MYRIP: variants seen among roughly 807,000 people sequenced by gnomAD.
MYRIP encodes myosin VIIA and Rab interacting protein.
In MYRIP, 49 loss-of-function variants were observed where a neutral mutation model predicts 98.0. The observed-to-expected ratio is 0.50, with a 90% CI of 0.40 to 0.63. The LOEUF (loss-of-function observed/expected upper bound fraction) is 0.63. MYRIP is among the 30% of genes least tolerant of loss of function. The pLI is 0.00. For missense variants in MYRIP, 1,004 were observed against 1,058.2 expected, an observed-to-expected ratio of 0.95 and a Z score of 0.71; for synonymous variants, 404 against 409.5, an observed-to-expected ratio of 0.99 and a Z score of 0.16.
At chr3:40,234,892 G>T (rs1952783997) in intron 12 of MYRIP, among the ~76,000 whole-genome samples, 2 of 151,708 alleles carry the variant, frequency 1.3e-5, no homozygotes, top group African/African-American at 4.8e-5. Context: ...TACTTGGGAG[G>T]CTGACCCAGG....
At position 40,121,841 on chromosome 3, in the gene MYRIP, T is replaced by C. The variant is rs947804416; in HGVS notation, c.333-29207T>C. On this transcript the variant is annotated intron_variant, in intron 3 of 16. Coordinates refer to ENST00000302541, the MANE Select transcript of MYRIP (RefSeq NM_015460.4). ...AACTTTCAAGTAAAAAAGGGGTTTCTGATAATGCCATGCTGAGCCATATTA... is the reference window on the plus strand; with the variant it reads ...AACTTTCAAGTAAAAAAGGGGTTTCCGATAATGCCATGCTGAGCCATATTA... 3.9e-5 allele frequency among the ~76,000 whole-genome samples: 6 copies of C among 152,240 alleles called. No homozygotes were observed. The East Asian group carries it at 7.7e-4, about 19-fold the overall frequency.
chr3:39,940,526 C>G (rs1030164145), intron 2 of MYRIP, among the ~76,000 whole-genome samples: 1 of 152,018 alleles, frequency 6.6e-6, no homozygotes, highest in Non-Finnish European at 1.5e-5. Context: ...GTTCTTAGCT[C>G]TGTTCTCTTT....
At chr3:39,944,869 T>C (rs9865420) in intron 2 of MYRIP, among the ~76,000 whole-genome samples, 28,933 of 152,054 alleles carry the variant, frequency 0.19, 4,010 homozygotes, top group African/African-American at 0.39. Context: ...GAAATATTCA[T>C]TTTTACATTT....
chr3:40,009,177 A>T (rs1284760532), intron 2 of MYRIP, among the ~76,000 whole-genome samples: 1 of 151,776 alleles, frequency 6.6e-6, no homozygotes, highest in Non-Finnish European at 1.5e-5. Flanking sequence ...AGACCCTGCC[A>T]TTGCTGGCGC....
At chr3:39,889,296 T>C (rs1943412381) in intron 1 of MYRIP, among the ~76,000 whole-genome samples, 1 of 152,136 alleles carries the variant, frequency 6.6e-6, no homozygotes, top group Non-Finnish European at 1.5e-5. Flanking sequence ...CCAACAACGA[T>C]AGACTGGATT....
chr3:40,020,463 C>T (rs1019324196), intron 2 of MYRIP, among the ~76,000 whole-genome samples: 1 of 152,124 alleles, frequency 6.6e-6, no homozygotes, highest in Non-Finnish European at 1.5e-5. Flanking sequence ...GGCTGTTTGA[C>T]AAATCTTACC....
chr3:40,226,403 A>G (rs1575656625), intron 11 of MYRIP, among the ~76,000 whole-genome samples: 2 of 152,008 alleles, frequency 1.3e-5, no homozygotes, highest in East Asian at 3.9e-4. Context: ...AGAATATTGC[A>G]CCTTATATGC....
At chr3:40,206,417 C>T (rs1312585036) in intron 10 of MYRIP, among the ~76,000 whole-genome samples, 1 of 152,098 alleles carries the variant, frequency 6.6e-6, no homozygotes, top group Non-Finnish European at 1.5e-5. Flanking sequence ...TGTGTGCATA[C>T]GATTTGTCTT....
chr3:40,176,725 T>C (rs1435129305), intron 8 of MYRIP, among the ~76,000 whole-genome samples: 1 of 151,858 alleles, frequency 6.6e-6, no homozygotes, highest in Non-Finnish European at 1.5e-5. Flanking sequence ...CTGACCAACA[T>C]AGTGAAACCC....
intron 2 of MYRIP, among the ~76,000 whole-genome samples, chr3:39,964,719 C>T (rs934366292): frequency 6.6e-6 from 1 of 152,048 alleles, no homozygotes; most frequent in Non-Finnish European, 1.5e-5. Flanking sequence ...TTGTCATGAA[C>T]CTTTGAAGAA....
intron 3 of MYRIP, among the ~76,000 whole-genome samples, chr3:40,118,698 A>G (rs2125908796): frequency 6.6e-6 from 1 of 151,736 alleles, no homozygotes; most frequent in Admixed American, 6.6e-5. Context: ...GGTGTGCTGC[A>G]CCCATTAACT....
At chr3:39,863,003 C>T (rs1559500344) in intron 1 of MYRIP, among the ~76,000 whole-genome samples, 1 of 152,094 alleles carries the variant, frequency 6.6e-6, no homozygotes, top group South Asian at 2.1e-4. Context: ...TTGCTCAAAA[C>T]CATGCTAACT....
chr3:39,895,195 T>C (rs1238440967), intron 1 of MYRIP, among the ~76,000 whole-genome samples: 1 of 148,282 alleles, frequency 6.7e-6, no homozygotes, highest in Non-Finnish European at 1.5e-5. Context: ...TTTTTTTTTC[T>C]TTTTTTTTTG....
At chr3:40,190,578 T>A (rs181635256) in intron 10 of MYRIP, 115 bp downstream of exon 10, 56 of 1,453,824 alleles carry the variant, frequency 3.9e-5, no homozygotes, top group Non-Finnish European at 4.9e-5. Flanking sequence ...CAGATTCTCA[T>A]CTTGGTTTTG....
chr3:40,258,580 G>T lies in MYRIP; in HGVS notation c.*414G>T, dbSNP rs1030792867. On this transcript the variant is annotated 3_prime_UTR_variant, in exon 17 of 17. Coordinates refer to ENST00000302541, the MANE Select transcript of MYRIP (RefSeq NM_015460.4). ...GCTGGAGGGAGGTGGAGGGAGGAAG[G>T]TGGGAATTATTATTTAATACATCAT... 6.2e-5 allele frequency: 12 copies of T among 193,534 alleles called. No individual in the cohort carries two copies. Among genetic ancestry groups the T allele is most frequent in the Admixed American group, 4.2e-4 (8 of 19,112 alleles). 12.0% of individuals were successfully genotyped at this position (193,534 alleles called of 1,614,324 possible). A position where few individuals can be genotyped will look rare whatever the true frequency, so the allele number is the denominator to read the frequency against.
chr3:39,994,820 G>T (rs1011174479), intron 2 of MYRIP, among the ~76,000 whole-genome samples: 7 of 152,108 alleles, frequency 4.6e-5, no homozygotes, highest in African/African-American at 1.7e-4. Context: ...CACACGACTG[G>T]GTACTCCTCT....
At chr3:40,203,543 G>A (rs890920738) in intron 10 of MYRIP, among the ~76,000 whole-genome samples, 1 of 150,166 alleles carries the variant, frequency 6.7e-6, no homozygotes, top group African/African-American at 2.5e-5. Context: ...AAACATATTA[G>A]AAGACTCTTG....
intron 8 of MYRIP, among the ~76,000 whole-genome samples, chr3:40,172,620 T>C (rs1950642332): frequency 6.6e-6 from 1 of 152,190 alleles, no homozygotes; most frequent in Admixed American, 6.5e-5. Flanking sequence ...CTGTGAGTTA[T>C]GAGCTGTACT....
chr3:40,191,473 C>A (rs1182955210), intron 10 of MYRIP, among the ~76,000 whole-genome samples: 1 of 152,086 alleles, frequency 6.6e-6, no homozygotes, highest in Non-Finnish European at 1.5e-5. Flanking sequence ...CAGATAGTGT[C>A]CCCTATGGCT....
Sources: gnomAD v4.1 joint callset for allele counts (sites outside exome capture counted in the v4.1 genomes callset) on GRCh38, gnomAD v4.1.1 for gene constraint, MANE v1.5 for transcripts, NCBI Gene and HGNC (gene_info 2026-07-23, HGNC 2026-07-21) for gene names.